Variants in ADARB1 observed in about 807,000 individuals in gnomAD.
ADARB1 encodes the protein double-stranded RNA-specific editase 1.
Under a neutral mutation model 52.4 loss-of-function variants are expected in ADARB1, and 10 were observed. That is an observed-to-expected ratio of 0.19 (90% CI 0.12 to 0.32). The LOEUF (loss-of-function observed/expected upper bound fraction) is 0.32, where lower values mean the gene tolerates loss of function less well. ADARB1 is among the 10% of genes least tolerant of loss of function. The pLI is 1.00. For synonymous variants in ADARB1, 349 were observed against 371.1 expected (o/e 0.94, Z 0.68); for missense variants, 643 against 922.3 (o/e 0.70, Z 3.92).
At chr21:45,139,811 G>A (rs572906482) in intron 2 of ADARB1, among the ~76,000 whole-genome samples, 4 of 151,654 alleles carry the variant, frequency 2.6e-5, no homozygotes, top group South Asian at 4.2e-4. Context: ...CTTGAAATAT[G>A]TGTATTTTCT....
chr21:45,079,154 C>T (rs998549553), intron 1 of ADARB1, among the ~76,000 whole-genome samples: 2 of 152,190 alleles, frequency 1.3e-5, no homozygotes, highest in Non-Finnish European at 2.9e-5. Flanking sequence ...ATTCAGCCTA[C>T]TGAATTTCAG....
At chr21:45,090,437 A>G (rs1435935845) in intron 1 of ADARB1, among the ~76,000 whole-genome samples, 3 of 152,080 alleles carry the variant, frequency 2.0e-5, no homozygotes, top group Non-Finnish European at 4.4e-5. Flanking sequence ...GGTGGGAAGG[A>G]GGAGTGGGAG....
intron 2 of ADARB1, chr21:45,133,646 G>A (rs2089097289): frequency 3.8e-6 from 1 of 260,054 alleles, no homozygotes; most frequent in Admixed American, 5.3e-5. Context: ...AAAAGAATTT[G>A]TCTTACCTGT....
intron 2 of ADARB1, among the ~76,000 whole-genome samples, chr21:45,138,462 CA>C (rs1163530526): frequency 2.6e-5 from 4 of 152,180 alleles, no homozygotes; most frequent in African/African-American, 7.2e-5. Flanking sequence ...TGCAGTACAG[CA>C]GCAGCAGCTT....
chr21:45,169,673 C>G (rs757588114), intron 2 of ADARB1, among the ~76,000 whole-genome samples: 1 of 152,144 alleles, frequency 6.6e-6, no homozygotes, highest in Non-Finnish European at 1.5e-5. Flanking sequence ...TGAGGAAGTT[C>G]CTTTGCCTAT....
chr21:45,210,858 A>G (rs543334545), intron 9 of ADARB1, among the ~76,000 whole-genome samples: 155 of 152,332 alleles, frequency 1.0e-3, no homozygotes, highest in African/African-American at 3.5e-3. Context: ...TGAGCCTCTC[A>G]GCCCCACTCC....
In ADARB1 at chr21:45,175,929, C is replaced by T. The variant is rs2838798; in HGVS notation, c.228C>T (p.Pro76=). ...AGAAAAGGAGGAAAACACCAGGGCC[C>T]GTCCTCCCCAAGAACGCCCTGATGC... ...RLKKRRKTPG[P]VLPKNALMQL... is the part of the protein sequence containing the mutation. The change falls in exon 4 of 11, where the codon CCC becomes CCT. Residue 76 remains proline, a synonymous_variant. Coordinates refer to ENST00000348831, the MANE Select transcript of ADARB1 (RefSeq NM_001112.4). The T allele has an allele frequency of 2.2e-3, 3,540 of 1,610,022 alleles. 56 individuals carry two copies. The African/African-American group carries it at 0.037, about 17-fold the overall frequency.
intron 2 of ADARB1, among the ~76,000 whole-genome samples, chr21:45,148,056 G>A (rs113805777): frequency 1.3e-5 from 2 of 152,112 alleles, no homozygotes; most frequent in African/African-American, 4.8e-5. Context: ...AGAAACAGGC[G>A]TTCTCCCCTC....
chr21:45,223,744 G>C lies in ADARB1; in HGVS notation c.*1547G>C, dbSNP rs1387955049. The C allele has an allele frequency of 2.0e-6, 2 of 985,402 alleles. No homozygotes were observed. The highest frequency in any genetic ancestry group is 2.4e-6 in the Non-Finnish European group (2 of 830,008). 61.0% of individuals were successfully genotyped at this position (985,402 alleles called of 1,614,324 possible). On this transcript the variant is annotated 3_prime_UTR_variant, in exon 11 of 11. Transcript: ENST00000348831. ...CCTCCCACCGGACGCTGGGAGCTCAGACCCCAAAACTGAAACACCGTGGCT... is the reference window on the plus strand; with the variant it reads ...CCTCCCACCGGACGCTGGGAGCTCACACCCCAAAACTGAAACACCGTGGCT...
In ADARB1 at chr21:45,175,834, G is replaced by A; in HGVS notation, c.133G>A (p.Gly45Ser). The change falls in exon 4 of 11, where the codon GGT becomes AGT. Residue 45 changes from glycine to serine, a missense_variant. Transcript: ENST00000348831. ...CGAGGGCTCTCAGCTCTCCAATGGG[G>A]GTGGTGGTGGCCCCGGCAGAAAGCG... ...PGEGSQLSNG[G>S]GGGPGRKRPL... 2.5e-6 allele frequency: 4 copies of A among 1,614,130 alleles called. No individual in the cohort carries two copies. The highest frequency in any genetic ancestry group is 2.2e-5 in the South Asian group (2 of 91,076).
chr21:45,106,316 A>G (rs925566249), intron 1 of ADARB1, among the ~76,000 whole-genome samples: 4 of 151,890 alleles, frequency 2.6e-5, no homozygotes, highest in Non-Finnish European at 4.4e-5. Context: ...TAATGTTTCA[A>G]CCTAGACTCG....
Position 45,142,793 on chromosome 21 carries a change from AG to A in ADARB1, c.-48+14225del, listed in dbSNP as rs2145904296. On this transcript the variant is annotated intron_variant, in intron 2 of 10. Coordinates refer to ENST00000348831, the MANE Select transcript of ADARB1 (RefSeq NM_001112.4). This position sits in a 1 kb window ranked among gnomAD's most constrained non-coding sequence, Gnocchi z 4.0. ...GGCCTGGCTCCGTCATGTGTTTTGC[AG>A]GGGGATCTGAGGGGCCCAGAAGGTA... Among the ~76,000 whole-genome samples, 1 of 152,272 alleles carries A rather than the reference AG, an allele frequency of 6.6e-6. No individual in the cohort carries two copies. Among genetic ancestry groups the A allele is most frequent in the South Asian group, 2.1e-4 (1 of 4,828 alleles).
chr21:45,206,460 A>G (rs1031499682), intron 9 of ADARB1, among the ~76,000 whole-genome samples: 16 of 151,328 alleles, frequency 1.1e-4, no homozygotes, highest in African/African-American at 2.7e-4. Context: ...AAAAGCATCT[A>G]TATCTGTTAA....
chr21:45,176,650 C>G lies in ADARB1; in HGVS notation c.949C>G (p.Leu317Val). The G allele has an allele frequency of 1.9e-6, 3 of 1,608,340 alleles. No individual in the cohort carries two copies. The highest frequency in any genetic ancestry group is 1.1e-5 in the South Asian group (1 of 90,398). The part of the protein sequence containing the change: ...RQPIPSEGLQ[L>V]HLPQVLADAV... ...GCCTATTCCCAGTGAGGGTCTTCAG[C>G]TGCATTTACCGCAGGTGAGGAACTA... is the stretch of plus-strand genomic sequence containing the variant. Residue 317 changes from leucine (L) to valine (V), a missense_variant, in exon 4 of 11, where the codon CTG becomes GTG. This residue lies in a region of ADARB1 where 380 missense variants were observed against 446.5 expected (regional missense o/e 0.85). Transcript: ENST00000348831. This position sits in a 1 kb window ranked among gnomAD's most constrained non-coding sequence, Gnocchi z 5.8.
intron 1 of ADARB1, among the ~76,000 whole-genome samples, chr21:45,124,445 G>A (rs114482307): frequency 0.018 from 2,782 of 152,142 alleles, 35 homozygotes; most frequent in South Asian, 0.053. Flanking sequence ...TGCAATTTCG[G>A]CTCACTGCAG....
intron 1 of ADARB1, among the ~76,000 whole-genome samples, chr21:45,107,253 C>T (rs1025655275): frequency 1.3e-5 from 2 of 152,062 alleles, no homozygotes; most frequent in East Asian, 1.9e-4. Flanking sequence ...ACCTTGTTCT[C>T]GGTTAAGATG....
Position 45,128,051 on chromosome 21 carries a change from G to A in ADARB1, c.-219-351G>A, listed in dbSNP as rs956147930. ...TTCACATGTGTGCATGTGTAGGGGT[G>A]TGTGCATATTGAATTGTAAAAAAGA... On this transcript the variant is annotated intron_variant, in intron 1 of 10. Coordinates refer to ENST00000348831, the MANE Select transcript of ADARB1 (RefSeq NM_001112.4). This position sits in a 1 kb window ranked among gnomAD's most constrained non-coding sequence, Gnocchi z 4.6. 6.6e-6 allele frequency among the ~76,000 whole-genome samples: 1 copy of A among 152,132 alleles called. No homozygotes were observed. The highest frequency in any genetic ancestry group is 2.4e-5 in the African/African-American group (1 of 41,424).
intron 1 of ADARB1, among the ~76,000 whole-genome samples, chr21:45,124,595 C>A (rs1187609001): frequency 6.6e-6 from 1 of 152,118 alleles, no homozygotes; most frequent in East Asian, 1.9e-4. Context: ...CAGGACTGAT[C>A]TTGAATTCCT....
In ADARB1 at chr21:45,222,223, A is replaced by C. The variant is rs1416979554; in HGVS notation, c.*26A>C. 1 of 1,461,662 alleles carries C rather than the reference A, an allele frequency of 6.8e-7. No homozygotes were observed. Among genetic ancestry groups the C allele is most frequent in the Non-Finnish European group, 9.1e-7 (1 of 1,097,810 alleles). The allele number at this position is 1,461,662 out of a possible 1,614,324, so 90.5% of individuals were successfully genotyped here. On this transcript the variant is annotated 3_prime_UTR_variant, in exon 11 of 11. Transcript: ENST00000348831. Reference sequence around the variant, plus strand: ...CCCGGGCAGACATGATGGGGGGTGCAGGGGGCTGTGGGCATCCAGCGTCAT... The same window carrying C: ...CCCGGGCAGACATGATGGGGGGTGCCGGGGGCTGTGGGCATCCAGCGTCAT...
Sources: allele counts gnomAD v4.1 joint callset (sites outside exome capture counted in the v4.1 genomes callset), GRCh38; gene constraint gnomAD v4.1.1; regional missense constraint gnomAD v4.1.1; non-coding constraint Gnocchi (gnomAD v3.1); transcripts MANE v1.5; gene names NCBI Gene and HGNC (gene_info 2026-07-23, HGNC 2026-07-21).